Variants in CCDC7 observed in about 807,000 individuals in gnomAD.
CCDC7 encodes the protein coiled-coil domain containing 7, also known as coiled-coil domain-containing protein 7.
A neutral mutation model predicts 196.9 loss-of-function variants in CCDC7; 183 were observed. The ratio of observed to expected loss-of-function variants is 0.93; its 90% CI spans 0.82 to 1.05. The LOEUF is 1.05. Ranked by LOEUF, CCDC7 falls within the 50% of genes least tolerant of loss-of-function variation. The probability of loss-of-function intolerance (pLI) is 0.00; values close to 1 mark genes in which losing one functional copy is unlikely to be tolerated. For synonymous variants in CCDC7, 525 were observed against 484.6 expected, an observed-to-expected ratio of 1.08 and a Z score of -1.10; for missense variants, 1,540 against 1,482.2, an observed-to-expected ratio of 1.04 and a Z score of -0.64.
At chr10:32,707,631 T>A (rs1017461146) in intron 24 of CCDC7, among the ~76,000 whole-genome samples, 1 of 152,146 alleles carries the variant, frequency 6.6e-6, no homozygotes, top group Non-Finnish European at 1.5e-5. Flanking sequence ...AGTCTCAGGA[T>A]ACAAAATCAA....
chr10:32,674,523 A>C (rs2074595580), intron 21 of CCDC7, among the ~76,000 whole-genome samples: 2 of 152,046 alleles, frequency 1.3e-5, no homozygotes, highest in African/African-American at 4.8e-5. Flanking sequence ...TATCCTGTAA[A>C]TATCTCAGTG....
chr10:32,561,362 G>A (rs1441215317), intron 13 of CCDC7, among the ~76,000 whole-genome samples: 6 of 152,058 alleles, frequency 3.9e-5, no homozygotes, highest in South Asian at 2.1e-4. Flanking sequence ...TTTCAGCACC[G>A]CACCACACCT....
chr10:32,782,428 A>G (rs757605565), intron 29 of CCDC7, among the ~76,000 whole-genome samples: 4 of 152,118 alleles, frequency 2.6e-5, no homozygotes, highest in South Asian at 2.1e-4. Context: ...GGGTTTCACT[A>G]TGTTGTCCAG....
At chr10:32,518,544 A>C in intron 11 of CCDC7, 39 bp downstream of exon 12, 1 of 1,520,460 alleles carries the variant, frequency 6.6e-7, no homozygotes, top group Non-Finnish European at 9.0e-7. Context: ...GCATACACCT[A>C]ATAAGGCTTA....
chr10:32,843,097 TAAATTTTTTTAAAAAATTTAAAAAATAAA>T lies in CCDC7; in HGVS notation c.3353-2144_3353-2116del, dbSNP rs559215129. On this transcript the variant is annotated intron_variant, in intron 33 of 41. Transcript: ENST00000639629. ...CCAAAAACCTATTGAAATAAAAAAATAAATTTTTTTAAAAAATTTAAAAAATAAAATAACACTGGACGGTAACTCAAATC... is the reference window on the plus strand; with the variant it reads ...CCAAAAACCTATTGAAATAAAAAAATATAACACTGGACGGTAACTCAAATC... Among the ~76,000 whole-genome samples, 509 of 151,640 alleles carry T rather than the reference TAAATTTTTTTAAAAAATTTAAAAAATAAA, an allele frequency of 3.4e-3. 2 individuals are homozygous for T. The highest frequency in any genetic ancestry group is 0.011 in the African/African-American group (450 of 41,474).
chr10:32,523,376 T>C (rs1290894298), intron 11 of CCDC7, among the ~76,000 whole-genome samples: 1 of 152,062 alleles, frequency 6.6e-6, no homozygotes, highest in African/African-American at 2.4e-5. Context: ...TGAAACCCTG[T>C]CTCTACTAAA....
At chr10:32,857,452 A>G (rs935830751) in intron 41 of CCDC7, among the ~76,000 whole-genome samples, 46 of 152,210 alleles carry the variant, frequency 3.0e-4, no homozygotes, top group Non-Finnish European at 1.2e-4. Context: ...AATGGTATGA[A>G]ATTAGAAATT....
intron 24 of CCDC7, among the ~76,000 whole-genome samples, chr10:32,697,492 G>A (rs2077911397): frequency 6.6e-6 from 1 of 152,186 alleles, no homozygotes. Flanking sequence ...TTTTCCAATG[G>A]TCTTAGCAAA....
At chr10:32,749,972 T>G (rs1326529786) in intron 28 of CCDC7, among the ~76,000 whole-genome samples, 1 of 152,186 alleles carries the variant, frequency 6.6e-6, no homozygotes, top group Non-Finnish European at 1.5e-5. Flanking sequence ...GATTTTAAGA[T>G]AACAGTTTTC....
chr10:32,828,330 C>T (rs2091450398), intron 32 of CCDC7, among the ~76,000 whole-genome samples: 1 of 151,532 alleles, frequency 6.6e-6, no homozygotes, highest in African/African-American at 2.4e-5. Context: ...ACTCTTGAGA[C>T]TGTTCCCTGG....
At chr10:32,869,480 A>G (rs2094341961) in intron 41 of CCDC7, among the ~76,000 whole-genome samples, 1 of 151,942 alleles carries the variant, frequency 6.6e-6, no homozygotes, top group Admixed American at 6.6e-5. Context: ...TTGTCACATG[A>G]GTAGATTGCA....
At chr10:32,837,121 A>G (rs927484516) in intron 33 of CCDC7, among the ~76,000 whole-genome samples, 1 of 152,182 alleles carries the variant, frequency 6.6e-6, no homozygotes, top group Admixed American at 6.6e-5. Flanking sequence ...AGAAACTACT[A>G]TCAGAGTGAA....
intron 6 of CCDC7, among the ~76,000 whole-genome samples, chr10:32,471,595 T>TA (rs1307086371): frequency 6.6e-6 from 1 of 152,184 alleles, no homozygotes; most frequent in African/African-American, 2.4e-5. Context: ...CTCCTAGTAA[T>TA]AAATAGGAAA....
At chr10:32,647,456 G>A (rs1007625994) in intron 20 of CCDC7, among the ~76,000 whole-genome samples, 2 of 7,564 alleles carry the variant, frequency 2.6e-4, no homozygotes. Flanking sequence ...GTTGCAGTGA[G>A]CTGAGATCGT....
At chr10:32,800,221 C>T (rs2084492647) in intron 29 of CCDC7, among the ~76,000 whole-genome samples, 1 of 152,162 alleles carries the variant, frequency 6.6e-6, no homozygotes, top group African/African-American at 2.4e-5. Context: ...TTGATGGTGG[C>T]AGTAATCTCT....
intron 29 of CCDC7, among the ~76,000 whole-genome samples, chr10:32,783,655 G>A (rs995658077): frequency 6.6e-6 from 1 of 152,286 alleles, no homozygotes; most frequent in South Asian, 2.1e-4. Flanking sequence ...CAAGGTGTAG[G>A]TGTAGACCCA....
exon 1 of CCDC7, chr10:32,451,834 G>A (rs769054239): frequency 5.0e-6 from 8 of 1,614,030 alleles, no homozygotes; most frequent in African/African-American, 4.0e-5. Context: ...CCATTTTACG[G>A]TATGCTTTGC....
Position 32,726,803 on chromosome 10 carries a change from A to C in CCDC7, c.2639A>C (p.Lys880Thr), listed in dbSNP as rs2083197932. ...AAACTCCAAATGCAAGAAAAGAAAA[A>C]AATAACTCCTGGAAGGGAAAGGCGT... The change falls in exon 26 of 42, where the codon AAA becomes ACA. Residue 880 changes from lysine (K) to threonine (T), a missense_variant. Transcript: ENST00000639629. 4 of 1,599,256 alleles carry C rather than the reference A, an allele frequency of 2.5e-6. No individual in the cohort carries two copies. In the South Asian group the frequency reaches 4.5e-5, roughly 18 times the overall value.
intron 25 of CCDC7, among the ~76,000 whole-genome samples, chr10:32,711,931 CAACTT>C (rs1048212015): frequency 2.6e-5 from 4 of 152,118 alleles, no homozygotes; most frequent in East Asian, 1.9e-4. Context: ...TATTATTACA[CAACTT>C]AATTTATGCT....
Sources: allele counts gnomAD v4.1 joint callset (sites outside exome capture counted in the v4.1 genomes callset), GRCh38; gene constraint gnomAD v4.1.1; transcripts MANE v1.5; gene names NCBI Gene and HGNC (gene_info 2026-07-23, HGNC 2026-07-21).